RABEP1: variants seen among roughly 807,000 people sequenced by gnomAD.
The protein encoded by RABEP1 is rab GTPase-binding effector protein 1.
Under a neutral mutation model 123.4 loss-of-function variants are expected in RABEP1, and 51 were observed. The ratio of observed to expected loss-of-function variants is 0.41; its 90% CI spans 0.33 to 0.52. The LOEUF (loss-of-function observed/expected upper bound fraction) is 0.52. Ranked by LOEUF, RABEP1 falls within the 20% of genes least tolerant of loss-of-function variation. RABEP1 has a pLI of 0.16. For synonymous variants in RABEP1, 347 were observed against 355.2 expected (o/e 0.98, Z 0.26); for missense variants, 888 against 996.3 (o/e 0.89, Z 1.46).
chr17:5,356,106 A>G (rs1005799079), intron 8 of RABEP1, among the ~76,000 whole-genome samples: 1 of 152,198 alleles, frequency 6.6e-6, no homozygotes, highest in Non-Finnish European at 1.5e-5. Flanking sequence ...GTTGAATATA[A>G]TTGTTTTGTA....
intron 11 of RABEP1, among the ~76,000 whole-genome samples, chr17:5,367,384 G>A (rs1158864026): frequency 4.0e-5 from 6 of 151,608 alleles, no homozygotes; most frequent in Non-Finnish European, 8.8e-5. Context: ...CGATTCTCCT[G>A]CCTCAGCCTC....
rs1261180198 is a variant in RABEP1, at chr17:5,383,276, G to A, written c.*53G>A. 6.7e-6 allele frequency: 9 copies of A among 1,343,716 alleles called. No individual in the cohort carries two copies. In the Admixed American group the frequency reaches 8.5e-5, roughly 13 times the overall value. The allele number at this position is 1,343,716 out of a possible 1,614,324, so 83.2% of individuals were successfully genotyped here. On this transcript the variant is annotated 3_prime_UTR_variant, in exon 18 of 18. Coordinates refer to ENST00000537505, the MANE Select transcript of RABEP1 (RefSeq NM_004703.6). ...ACTTTGGGTTTTTAACTCATCTTTA[G>A]AGCAACAGTAATTATTATTTAACTC... is the stretch of plus-strand genomic sequence containing the variant.
intron 3 of RABEP1, among the ~76,000 whole-genome samples, chr17:5,332,568 C>A (rs1190317682): frequency 6.6e-6 from 1 of 150,942 alleles, no homozygotes; most frequent in East Asian, 1.9e-4. Context: ...TATTGCCCTT[C>A]CAGTGTAGTT....
At position 5,368,459 on chromosome 17, in the gene RABEP1, G is replaced by A. The variant is rs1567549090; in HGVS notation, c.1875G>A (p.Gln625=). ...TTTCCCAGGCAAAGAGGGATGTTCA[G>A]GAACAGATGGTAAGTTTACATTTTA... ...QGLSQAKRDV[Q]EQMAVLMQSR... The change falls in exon 12 of 18, where the codon CAG becomes CAA. Residue 625 remains glutamine, a synonymous_variant. Coordinates refer to ENST00000537505, the MANE Select transcript of RABEP1 (RefSeq NM_004703.6). The A allele has an allele frequency of 2.5e-6, 4 of 1,610,338 alleles. No individual in the cohort carries two copies. The highest frequency in any genetic ancestry group is 2.2e-5 in the South Asian group (2 of 90,902).
chr17:5,368,373 T>A lies in RABEP1; in HGVS notation c.1789T>A (p.Ser597Thr). 6.2e-7 allele frequency: 1 copy of A among 1,609,094 alleles called. No homozygotes were observed. The highest frequency in any genetic ancestry group is 8.5e-7 in the Non-Finnish European group (1 of 1,176,708). The stretch of plus-strand genomic sequence containing the variant: ...CTATACATGTGTTTTTTTAAAGATC[T>A]CTGCACTCGTCCTAAGAGCCCAGGC... ...QSSEDSSHQI[S>T]ALVLRAQASE... The change falls in exon 12 of 18, where the codon TCT becomes ACT. Residue 597 changes from serine (S) to threonine (T), a missense_variant. Coordinates refer to ENST00000537505, the MANE Select transcript of RABEP1 (RefSeq NM_004703.6).
chr17:5,309,624 G>A (rs879268257), intron 2 of RABEP1, among the ~76,000 whole-genome samples: 1 of 150,400 alleles, frequency 6.6e-6, no homozygotes, highest in Non-Finnish European at 1.5e-5. Flanking sequence ...TTGCACTCCA[G>A]CGTGGGCGAC....
intron 1 of RABEP1, among the ~76,000 whole-genome samples, chr17:5,296,787 C>T (rs775352085): frequency 2.0e-5 from 3 of 152,222 alleles, no homozygotes; most frequent in Non-Finnish European, 4.4e-5. Context: ...CACTCTGTAG[C>T]TCCAGCTGGA....
intron 2 of RABEP1, among the ~76,000 whole-genome samples, chr17:5,315,244 A>G (rs2075284576): frequency 6.6e-6 from 1 of 152,256 alleles, no homozygotes; most frequent in Non-Finnish European, 1.5e-5. Flanking sequence ...CCCATTAGTA[A>G]TACTGTAAAC....
In RABEP1 at chr17:5,377,293, A is replaced by G. The variant is rs1460686663; in HGVS notation, c.2203A>G (p.Lys735Glu). The G allele has an allele frequency of 9.5e-6, 15 of 1,584,064 alleles. No homozygotes were observed. The highest frequency in any genetic ancestry group is 1.2e-5 in the Non-Finnish European group (14 of 1,172,678). ...ETLQLEIENC[K>E]EEIASISSLK... ...TCTGCAACTAGAAATAGAAAACTGC[A>G]AGGAGGAAATAGGTGAAGATAAAAG... Residue 735 changes from lysine (K) to glutamate (E), a missense_variant, in exon 14 of 18, where the codon AAG becomes GAG. By Grantham distance (56) the Lys-to-Glu change is moderately conservative. Coordinates refer to ENST00000537505, the MANE Select transcript of RABEP1 (RefSeq NM_004703.6).
intron 1 of RABEP1, among the ~76,000 whole-genome samples, chr17:5,305,036 T>TTAG (rs1466713978): frequency 2.0e-5 from 3 of 152,202 alleles, no homozygotes. Flanking sequence ...TAGTGACCTA[T>TTAG]TAGTTACCAT....
Position 5,383,999 on chromosome 17 carries a change from C to T in RABEP1, c.*776C>T, listed in dbSNP as rs940095167. 1 of 219,822 alleles carries T rather than the reference C, an allele frequency of 4.5e-6. No homozygotes were observed. Among genetic ancestry groups the T allele is most frequent in the Non-Finnish European group, 9.1e-6 (1 of 109,510 alleles). The allele number at this position is 219,822 out of a possible 1,614,324, so 13.6% of individuals were successfully genotyped here. ...CACAGGGTACCAGGATAAAGCCGAA[C>T]TGGTACCATCTACTCTTTTGAAGTG... is the stretch of plus-strand genomic sequence containing the variant. On this transcript the variant is annotated 3_prime_UTR_variant, in exon 18 of 18. Transcript: ENST00000537505.
chr17:5,358,110 T>G (rs1311821529), intron 8 of RABEP1, among the ~76,000 whole-genome samples: 2 of 152,092 alleles, frequency 1.3e-5, no homozygotes, highest in Non-Finnish European at 2.9e-5. Flanking sequence ...TTAGGTGAGT[T>G]GTTTATTATC....
chr17:5,314,667 C>T (rs566456963), intron 2 of RABEP1, among the ~76,000 whole-genome samples: 17 of 151,852 alleles, frequency 1.1e-4, no homozygotes, highest in East Asian at 7.7e-4. Context: ...TACAGGCGCC[C>T]GCCACCACGC....
At chr17:5,293,735 C>A (rs2075054422) in intron 1 of RABEP1, among the ~76,000 whole-genome samples, 1 of 152,148 alleles carries the variant, frequency 6.6e-6, no homozygotes, top group South Asian at 2.1e-4. Flanking sequence ...ATAAAGAAAT[C>A]TAAAATTTCA....
At chr17:5,336,939 T>G (rs904787564) in intron 4 of RABEP1, among the ~76,000 whole-genome samples, 15 of 152,238 alleles carry the variant, frequency 9.9e-5, no homozygotes, top group African/African-American at 3.1e-4. Context: ...TTTTTCCCTA[T>G]CGTGCACAAC....
chr17:5,313,607 G>T (rs1303297935), intron 2 of RABEP1, among the ~76,000 whole-genome samples: 2 of 152,166 alleles, frequency 1.3e-5, no homozygotes, highest in African/African-American at 4.8e-5. Context: ...GAATTAAAGA[G>T]CTTGTAACAT....
At chr17:5,289,784 G>C (rs2075015662) in intron 1 of RABEP1, among the ~76,000 whole-genome samples, 1 of 151,880 alleles carries the variant, frequency 6.6e-6, no homozygotes, top group Admixed American at 6.6e-5. Flanking sequence ...GTTTTTGTTT[G>C]TAAATTATAA....
chr17:5,282,373 T>C lies in RABEP1; in HGVS notation c.-114T>C. ...GCGGATCCAGCCTTAGCGGTTTCTCTCTGGGCGGCGGCGGCGGCGGCTCGG... is the reference window on the plus strand; with the variant it reads ...GCGGATCCAGCCTTAGCGGTTTCTCCCTGGGCGGCGGCGGCGGCGGCTCGG... On this transcript the variant is annotated 5_prime_UTR_variant, in exon 1 of 18. Coordinates refer to ENST00000537505, the MANE Select transcript of RABEP1 (RefSeq NM_004703.6). The C allele has an allele frequency of 1.1e-6, 1 of 889,608 alleles. No homozygotes were observed. Among genetic ancestry groups the C allele is most frequent in the Non-Finnish European group, 1.5e-6 (1 of 656,720 alleles). The allele number at this position is 889,608 out of a possible 1,614,324, so 55.1% of individuals were successfully genotyped here.
At position 5,332,042 on chromosome 17, in the gene RABEP1, A is replaced by G; in HGVS notation, c.257A>G (p.Glu86Gly). Reference protein sequence around the residue: ...TQLWEAQAEMENIKAIATVSE... With the variant: ...TQLWEAQAEMGNIKAIATVSE... ...CTGTGGGAAGCTCAAGCAGAGATGG[A>G]GAATATTAAGGCGATTGCCACAGTC... Residue 86 changes from glutamate (E) to glycine (G), a missense_variant, in exon 3 of 18, where the codon GAG becomes GGG. Transcript: ENST00000537505. 6.2e-7 allele frequency: 1 copy of G among 1,614,098 alleles called. No homozygotes were observed. Among genetic ancestry groups the G allele is most frequent in the Non-Finnish European group, 8.5e-7 (1 of 1,180,004 alleles).
Sources: gnomAD v4.1 joint callset for allele counts (sites outside exome capture counted in the v4.1 genomes callset) on GRCh38, gnomAD v4.1.1 for gene constraint, MANE v1.5 for transcripts, NCBI Gene and HGNC (gene_info 2026-07-23, HGNC 2026-07-21) for gene names.